The following FRMD6 variants were observed in gnomAD, a reference collection of about 807,000 sequenced individuals.
FRMD6 encodes the protein FERM domain containing 6.
FRMD6 carries 37 observed loss-of-function variants against 73.2 expected under a neutral mutation model. The observed-to-expected ratio is 0.51, with a 90% CI of 0.39 to 0.66. FRMD6 has a LOEUF of 0.66. FRMD6 is among the 30% of genes least tolerant of loss of function. The probability of loss-of-function intolerance (pLI) is 0.00; values close to 1 mark genes in which losing one functional copy is unlikely to be tolerated. For missense variants in FRMD6, 714 were observed against 780.5 expected (o/e 0.91, Z 1.02); for synonymous variants, 273 against 282.2 (o/e 0.97, Z 0.33).
intron 2 of FRMD6, among the ~76,000 whole-genome samples, chr14:51,620,514 T>C (rs1890887269): frequency 6.6e-6 from 1 of 151,798 alleles, no homozygotes; most frequent in Non-Finnish European, 1.5e-5. Flanking sequence ...GGCCCCTGTG[T>C]CCTTTTATGT....
At chr14:51,558,838 T>C (rs1887309924) in intron 1 of FRMD6, among the ~76,000 whole-genome samples, 2 of 152,214 alleles carry the variant, frequency 1.3e-5, no homozygotes, top group African/African-American at 4.8e-5. Context: ...CTGTCATTTC[T>C]TGCTATCACT....
chr14:51,492,294 T>C (rs1883055118), intron 1 of FRMD6, among the ~76,000 whole-genome samples: 1 of 152,320 alleles, frequency 6.6e-6, no homozygotes, highest in Non-Finnish European at 1.5e-5. Flanking sequence ...CCTGTTTGCC[T>C]GTGGTCCTAC....
At position 51,569,975 on chromosome 14, in the gene FRMD6, T is replaced by C. The variant is rs143017336; in HGVS notation, c.-209-373T>C. On this transcript the variant is annotated intron_variant, in intron 1 of 14. Transcript: ENST00000356218. ...GGACTACAGGTGTGCGCCACCACAC[T>C]CGGCTAATTTTATGTATTTTTAGTA... Among the ~76,000 whole-genome samples the C allele has an allele frequency of 1.5e-4, 23 of 151,854 alleles. No homozygotes were observed. In the East Asian group the frequency reaches 3.5e-3, roughly 23 times the overall value.
At chr14:51,526,390 C>G (rs776698384) in intron 1 of FRMD6, among the ~76,000 whole-genome samples, 3 of 152,100 alleles carry the variant, frequency 2.0e-5, no homozygotes, top group Non-Finnish European at 4.4e-5. Flanking sequence ...CAAGAAATAC[C>G]AGGGAATTAA....
intron 2 of FRMD6, among the ~76,000 whole-genome samples, chr14:51,571,375 T>A (rs958049571): frequency 2.0e-5 from 3 of 152,204 alleles, no homozygotes; most frequent in Non-Finnish European, 4.4e-5. Flanking sequence ...GAAGGATTTA[T>A]GTTGTCACAC....
chr14:51,453,291 G>A, the FRMD6 span, among the ~76,000 whole-genome samples: 1 of 152,056 alleles, frequency 6.6e-6, no homozygotes, highest in Non-Finnish European at 1.5e-5. Flanking sequence ...CTGGCAGGGA[G>A]GATCCAACAT....
chr14:51,473,571 C>T, the FRMD6 span, among the ~76,000 whole-genome samples: 29 of 152,332 alleles, frequency 1.9e-4, no homozygotes, highest in Non-Finnish European at 3.7e-4. Flanking sequence ...AACTAGTACA[C>T]CTTTCATATG....
intron 1 of FRMD6, among the ~76,000 whole-genome samples, chr14:51,562,327 A>G (rs906338496): frequency 1.3e-5 from 2 of 152,310 alleles, no homozygotes; most frequent in Non-Finnish European, 2.9e-5. Context: ...CAGGTTGACA[A>G]TCTCTATCTA....
intron 1 of FRMD6, among the ~76,000 whole-genome samples, chr14:51,534,153 G>T (rs569447273): frequency 6.6e-6 from 1 of 152,290 alleles, no homozygotes; most frequent in South Asian, 2.1e-4. Context: ...TGTAGGGACA[G>T]CCATCCACAT....
At chr14:51,551,827 A>G (rs572959460) in intron 1 of FRMD6, among the ~76,000 whole-genome samples, 1 of 152,058 alleles carries the variant, frequency 6.6e-6, no homozygotes, top group Non-Finnish European at 1.5e-5. Flanking sequence ...AAATGCATTA[A>G]CATCTATTAT....
intron 2 of FRMD6, among the ~76,000 whole-genome samples, chr14:51,577,409 T>C (rs1888465212): frequency 6.6e-6 from 1 of 152,228 alleles, no homozygotes; most frequent in African/African-American, 2.4e-5. Flanking sequence ...TCATCAAATT[T>C]AGCTGAATTA....
In FRMD6 at chr14:51,720,177, C is replaced by T. The variant is rs35839184; in HGVS notation, c.1147C>T (p.Arg383Cys). The T allele has an allele frequency of 5.1e-5, 82 of 1,613,862 alleles. 1 individual carries two copies. In the Middle Eastern group the frequency reaches 8.2e-4, roughly 16 times the overall value. Reference protein sequence around the residue: ...AGSMKHKRLSRHSTASHSSSH... With the variant: ...AGSMKHKRLSCHSTASHSSSH... The stretch of plus-strand genomic sequence containing the variant: ...CAGCATGAAACACAAGCGCCTGTCC[C>T]GTCATTCCACCGCCAGCCACAGCAG... The change falls in exon 11 of 14, where the codon CGT becomes TGT. Residue 383 changes from arginine to cysteine, a missense_variant. Physicochemically the swap from Arg to Cys is radical, Grantham distance 180. Coordinates refer to ENST00000344768, the MANE Select transcript of FRMD6 (RefSeq NM_001267046.2).
At chr14:51,479,808 T>C in the FRMD6 span, among the ~76,000 whole-genome samples, 1 of 152,288 alleles carries the variant, frequency 6.6e-6, no homozygotes, top group East Asian at 1.9e-4. Flanking sequence ...ACCTGAGTGA[T>C]TGGGAGGTCA....
intron 1 of FRMD6, among the ~76,000 whole-genome samples, chr14:51,512,130 T>A (rs551779296): frequency 6.6e-6 from 1 of 152,328 alleles, no homozygotes; most frequent in African/African-American, 2.4e-5. Flanking sequence ...GCTCAGTCAC[T>A]GAAGTCTAGC....
chr14:51,698,926 TTCTATATA>T (rs1049576633), intron 3 of FRMD6, among the ~76,000 whole-genome samples: 65 of 152,268 alleles, frequency 4.3e-4, no homozygotes, highest in African/African-American at 1.6e-3. Context: ...TAATTTAGTC[TTCTATATA>T]TCTTTGCTCA....
At chr14:51,498,130 T>C (rs995703879) in intron 1 of FRMD6, among the ~76,000 whole-genome samples, 1 of 152,238 alleles carries the variant, frequency 6.6e-6, no homozygotes, top group African/African-American at 2.4e-5. Flanking sequence ...CATCCGTCTT[T>C]CTTCTATACC....
the FRMD6 span, among the ~76,000 whole-genome samples, chr14:51,430,132 G>C: frequency 6.6e-6 from 1 of 152,344 alleles, no homozygotes; most frequent in South Asian, 2.1e-4. Context: ...CCAGGCAAAA[G>C]ATGTTCAATG....
intron 2 of FRMD6, among the ~76,000 whole-genome samples, chr14:51,580,151 T>C: frequency 6.6e-6 from 1 of 152,084 alleles, no homozygotes; most frequent in East Asian, 1.9e-4. Context: ...TGTGTGTGTA[T>C]GTTTGTGATC....
chr14:51,431,559 T>G, the FRMD6 span, among the ~76,000 whole-genome samples: 1,401 of 152,326 alleles, frequency 9.2e-3, 22 homozygotes, highest in African/African-American at 0.032. Context: ...TCTTAACCAA[T>G]GTTGCAGTGA....
Sources: allele counts gnomAD v4.1 joint callset (sites outside exome capture counted in the v4.1 genomes callset), GRCh38; gene constraint gnomAD v4.1.1; transcripts MANE v1.5; gene names NCBI Gene and HGNC (gene_info 2026-07-23, HGNC 2026-07-21).